Variants in AGBL4 observed in about 807,000 individuals in gnomAD.
AGBL4 encodes the protein cytosolic carboxypeptidase 6.
AGBL4 carries 58 observed loss-of-function variants against 66.4 expected under a neutral mutation model. The observed-to-expected ratio is 0.87, with a 90% confidence interval of 0.71 to 1.09. The LOEUF (loss-of-function observed/expected upper bound fraction) is 1.09. Among genes scored for constraint, AGBL4 ranks in the 50% least tolerant of loss-of-function variants. AGBL4 has a pLI of 0.00. For synonymous variants in AGBL4, 234 were observed against 222.9 expected (o/e 1.05, Z -0.44); for missense variants, 579 against 631.0 (o/e 0.92, Z 0.88).
At chr1:49,405,165 C>A (rs763975059) in intron 3 of AGBL4, among the ~76,000 whole-genome samples, 5 of 152,162 alleles carry the variant, frequency 3.3e-5, no homozygotes, top group Non-Finnish European at 5.9e-5. Context: ...AAATTCAGAA[C>A]CTCAGTATCC....
At chr1:49,784,847 C>A (rs1350984057) in intron 2 of AGBL4, among the ~76,000 whole-genome samples, 3 of 151,834 alleles carry the variant, frequency 2.0e-5, no homozygotes, top group Non-Finnish European at 2.9e-5. Flanking sequence ...AAAAGATATT[C>A]AACACAATTA....
intron 7 of AGBL4, among the ~76,000 whole-genome samples, chr1:48,656,853 G>T (rs574172001): frequency 6.6e-6 from 1 of 152,286 alleles, no homozygotes; most frequent in Non-Finnish European, 1.5e-5. Flanking sequence ...GGGCTGAAAA[G>T]CTACCTATCG....
intron 4 of AGBL4, among the ~76,000 whole-genome samples, chr1:49,229,508 C>T (rs1165823241): frequency 3.3e-5 from 5 of 152,078 alleles, no homozygotes; most frequent in South Asian, 4.1e-4. Context: ...CGCAGGTTCT[C>T]GGCATATTTA....
At chr1:48,619,780 T>A (rs1645380230) in intron 9 of AGBL4, among the ~76,000 whole-genome samples, 1 of 152,172 alleles carries the variant, frequency 6.6e-6, no homozygotes, top group Non-Finnish European at 1.5e-5. Flanking sequence ...TGAAGTGCCC[T>A]GTAGGATCAG....
At chr1:49,770,577 T>C (rs1186455258) in intron 2 of AGBL4, among the ~76,000 whole-genome samples, 1 of 152,200 alleles carries the variant, frequency 6.6e-6, no homozygotes, top group Non-Finnish European at 1.5e-5. Context: ...TCTGGAAAAG[T>C]TTGAGAATAA....
chr1:49,863,120 G>C (rs1646614995), intron 1 of AGBL4, among the ~76,000 whole-genome samples: 1 of 152,054 alleles, frequency 6.6e-6, no homozygotes, highest in Non-Finnish European at 1.5e-5. Flanking sequence ...ACAAAATAGA[G>C]CACACAGAAA....
intron 4 of AGBL4, 135 bp from the exon 5 acceptor site, chr1:49,045,935 A>G (rs1644068871): frequency 1.4e-6 from 1 of 731,394 alleles, no homozygotes. Flanking sequence ...GAGAATGACA[A>G]CACAAACCAC....
At chr1:49,317,300 G>A (rs1011039835) in intron 3 of AGBL4, among the ~76,000 whole-genome samples, 3 of 151,752 alleles carry the variant, frequency 2.0e-5, no homozygotes, top group South Asian at 2.1e-4. Context: ...AATATACCTC[G>A]AGCTATTTAC....
intron 6 of AGBL4, among the ~76,000 whole-genome samples, chr1:48,756,571 C>T (rs1643939617): frequency 6.6e-6 from 1 of 152,166 alleles, no homozygotes; most frequent in South Asian, 2.1e-4. Context: ...GAAAGAAGGA[C>T]ATGAGCTTCC....
intron 3 of AGBL4, among the ~76,000 whole-genome samples, chr1:49,253,190 C>A (rs1652207705): frequency 6.6e-6 from 1 of 151,884 alleles, no homozygotes; most frequent in African/African-American, 2.4e-5. Flanking sequence ...CACATAGGCT[C>A]AAAATAAAGA....
chr1:49,594,222 A>G (rs1437820932), intron 3 of AGBL4, among the ~76,000 whole-genome samples: 1 of 152,168 alleles, frequency 6.6e-6, no homozygotes, highest in Non-Finnish European at 1.5e-5. Context: ...CGAAAAACTA[A>G]TATCATTGGT....
At chr1:48,706,004 T>C (rs1052074457) in intron 6 of AGBL4, among the ~76,000 whole-genome samples, 6 of 152,164 alleles carry the variant, frequency 3.9e-5, no homozygotes. Flanking sequence ...TTGTTTCCAG[T>C]TTCAGACATT....
chr1:48,903,534 A>C (rs3121532), intron 5 of AGBL4, among the ~76,000 whole-genome samples: 54,313 of 152,040 alleles, frequency 0.36, 10,307 homozygotes, highest in East Asian at 0.71. Flanking sequence ...TCTTAACAGG[A>C]TTTGGACACC....
chr1:49,531,231 G>A (rs1558026344), intron 3 of AGBL4, among the ~76,000 whole-genome samples: 2 of 152,134 alleles, frequency 1.3e-5, no homozygotes. Context: ...GCTGAGAAGA[G>A]TGCACTGGGC....
At chr1:49,271,864 T>C (rs1644068329) in intron 3 of AGBL4, among the ~76,000 whole-genome samples, 1 of 152,188 alleles carries the variant, frequency 6.6e-6, no homozygotes, top group Non-Finnish European at 1.5e-5. Flanking sequence ...GAAAGGATAC[T>C]CTCAGGTCTA....
At chr1:48,923,205 A>C (rs1654243229) in intron 5 of AGBL4, among the ~76,000 whole-genome samples, 2 of 152,170 alleles carry the variant, frequency 1.3e-5, no homozygotes, top group African/African-American at 2.4e-5. Flanking sequence ...TTGAGCCTCC[A>C]AGAGATTAAG....
chr1:49,683,236 T>C (rs561371186), intron 3 of AGBL4, among the ~76,000 whole-genome samples: 5 of 152,256 alleles, frequency 3.3e-5, no homozygotes, highest in South Asian at 4.1e-4. Context: ...AAAATCTCAT[T>C]ACCCCTAAAA....
intron 9 of AGBL4, among the ~76,000 whole-genome samples, chr1:48,625,703 A>G (rs1645492512): frequency 6.6e-6 from 1 of 152,176 alleles, no homozygotes; most frequent in Non-Finnish European, 1.5e-5. Context: ...GAAACTCTAC[A>G]ATTGAAGTAA....
At chr1:48,763,514 GAGAA>G (rs1321717248) in intron 6 of AGBL4, among the ~76,000 whole-genome samples, 3 of 152,056 alleles carry the variant, frequency 2.0e-5, no homozygotes, top group African/African-American at 7.2e-5. Flanking sequence ...GACAAAAAGA[GAGAA>G]AGAGAGAGAG....
Sources: allele counts gnomAD v4.1 joint callset (sites outside exome capture counted in the v4.1 genomes callset), GRCh38; gene constraint gnomAD v4.1.1; transcripts MANE v1.5; gene names NCBI Gene and HGNC (gene_info 2026-07-23, HGNC 2026-07-21).